The following ECT2 variants were observed in gnomAD, a reference collection of about 807,000 sequenced individuals.
The protein encoded by ECT2 is protein ECT2.
In ECT2, 61 loss-of-function variants were observed where a neutral mutation model predicts 116.9. The ratio of observed to expected loss-of-function variants is 0.52; its 90% CI spans 0.42 to 0.65. The LOEUF (loss-of-function observed/expected upper bound fraction) is 0.65, where lower values mean the gene tolerates loss of function less well. ECT2 is among the 30% of genes least tolerant of loss of function. The pLI, the probability that ECT2 is intolerant of heterozygous loss-of-function variation, is 0.00. For synonymous variants in ECT2, 358 were observed against 346.4 expected (o/e 1.03, Z -0.37); for missense variants, 937 against 1,078.7 (o/e 0.87, Z 1.84).
intron 11 of ECT2, among the ~76,000 whole-genome samples, chr3:172,763,540 A>G (rs895772995): frequency 2.6e-5 from 4 of 152,230 alleles, no homozygotes; most frequent in African/African-American, 9.6e-5. Flanking sequence ...AGTTTTTAAT[A>G]CATTAATGAG....
chr3:172,802,000 G>A (rs901512557), intron 18 of ECT2, among the ~76,000 whole-genome samples: 19 of 152,110 alleles, frequency 1.2e-4, no homozygotes, highest in Admixed American at 1.2e-3. Flanking sequence ...ATTTTGTACA[G>A]GTTTAGTGTA....
rs1720102768 is a variant in ECT2, at chr3:172,769,055, C to T, written c.1340C>T (p.Pro447Leu). ...TCTTCTAAAAGCTCCACTCCAGTTC[C>T]TTCAAAGCAGTCAGCAAGGTGGCAA... ...TKSSKSSTPV[P>L]SKQSARWQVA... Residue 447 changes from proline to leucine, a missense_variant, in exon 13 of 25, where the codon CCT (proline) becomes CTT (leucine). Physicochemically the swap from Pro to Leu is moderately conservative, Grantham distance 98. Coordinates refer to ENST00000392692, the MANE Select transcript of ECT2 (RefSeq NM_001258315.2). 1.1e-5 allele frequency: 17 copies of T among 1,613,416 alleles called. No homozygotes were observed. The highest frequency in any genetic ancestry group is 1.4e-5 in the Non-Finnish European group (16 of 1,179,640).
At chr3:172,763,286 T>C (rs1398097787) in intron 11 of ECT2, among the ~76,000 whole-genome samples, 2 of 152,242 alleles carry the variant, frequency 1.3e-5, no homozygotes, top group African/African-American at 4.8e-5. Context: ...GAATGATGTG[T>C]GCCACAACTG....
At chr3:172,824,414 C>G (rs1730792210), downstream of ECT2, among the ~76,000 whole-genome samples, 1 of 152,060 alleles carries the variant, frequency 6.6e-6, no homozygotes, top group Admixed American at 6.5e-5. Context: ...GTGCTACACA[C>G]TTGTAAACAA....
chr3:172,807,481 C>T (rs1306143945), intron 21 of ECT2, among the ~76,000 whole-genome samples: 1 of 152,106 alleles, frequency 6.6e-6, no homozygotes, highest in African/African-American at 2.4e-5. Flanking sequence ...TTTTGTAACA[C>T]TTAATATTTT....
At chr3:172,822,236 G>A (rs1267056430), downstream of ECT2, among the ~76,000 whole-genome samples, 1 of 151,932 alleles carries the variant, frequency 6.6e-6, no homozygotes, top group Non-Finnish European at 1.5e-5. Context: ...CCAAAAGGTT[G>A]TTTACAGAAT....
At chr3:172,828,957 C>T in the ECT2 span, 3 of 1,392,478 alleles carry the variant, frequency 2.2e-6, no homozygotes, top group Middle Eastern at 4.6e-4. Context: ...GTGGCTGCCT[C>T]AGCACCAATA....
chr3:172,769,169 G>A (rs1377579519), intron 13 of ECT2, 26 bp downstream of exon 13: 4 of 1,583,432 alleles, frequency 2.5e-6, no homozygotes, highest in Non-Finnish European at 3.4e-6. Context: ...ATTGAAAAAT[G>A]ATTTCTGTTC....
intron 14 of ECT2, among the ~76,000 whole-genome samples, chr3:172,779,536 A>G (rs943066157): frequency 9.8e-5 from 15 of 152,326 alleles, no homozygotes; most frequent in African/African-American, 3.1e-4. Context: ...ATTTTAAAAT[A>G]TTATTTAACA....
intron 21 of ECT2, among the ~76,000 whole-genome samples, chr3:172,806,629 ATTCT>A (rs1410352267): frequency 1.2e-4 from 11 of 95,528 alleles, no homozygotes; most frequent in East Asian, 5.9e-4. Flanking sequence ...ATAAGAAATG[ATTCT>A]TTCTTTGTTT....
In ECT2 at chr3:172,754,659, AG is replaced by A; in HGVS notation, c.130+1del. 6.3e-7 allele frequency: 1 copy of A among 1,597,742 alleles called. No individual in the cohort carries two copies. The highest frequency in any genetic ancestry group is 8.5e-7 in the Non-Finnish European group (1 of 1,171,098). On this transcript the variant is annotated frameshift_variant and splice_region_variant, in exon 2 of 25. Transcript: ENST00000392692. LOFTEE classifies it high-confidence loss of function. ...TTATTGGATCTACTTCATATGTAGAAGGTAAACCTGTTACCTGCTTTAAAAC... is the reference window on the plus strand; with the variant it reads ...TTATTGGATCTACTTCATATGTAGAAGTAAACCTGTTACCTGCTTTAAAAC... The part of the protein sequence containing the change: ...LLIGSTSYVE[E>X]EMPQIETRVI...
chr3:172,776,713 A>T (rs943973704), intron 14 of ECT2, among the ~76,000 whole-genome samples: 1 of 152,118 alleles, frequency 6.6e-6, no homozygotes, highest in African/African-American at 2.4e-5. Flanking sequence ...TCATGCTGAG[A>T]TACATTCTTT....
At chr3:172,792,588 T>C (rs190190841) in intron 18 of ECT2, among the ~76,000 whole-genome samples, 13 of 152,360 alleles carry the variant, frequency 8.5e-5, no homozygotes, top group Admixed American at 2.6e-4. Flanking sequence ...ATTTTGGTTG[T>C]TTCCAGTTCT....
At chr3:172,817,061 G>A (rs967567720) in intron 24 of ECT2, among the ~76,000 whole-genome samples, 15 of 152,046 alleles carry the variant, frequency 9.9e-5, no homozygotes, top group Non-Finnish European at 2.2e-4. Flanking sequence ...AATGTGGGGT[G>A]CACCTTATAC....
chr3:172,755,852 A>G (rs1045007623), intron 4 of ECT2, among the ~76,000 whole-genome samples: 3 of 152,218 alleles, frequency 2.0e-5, no homozygotes, highest in African/African-American at 7.2e-5. Context: ...TCTGGAATCC[A>G]GCTGTTTTAG....
intron 22 of ECT2, among the ~76,000 whole-genome samples, chr3:172,808,604 T>C (rs1199591993): frequency 6.6e-6 from 1 of 152,180 alleles, no homozygotes; most frequent in Non-Finnish European, 1.5e-5. Context: ...ATAATTTGAT[T>C]TCTTCCTCTC....
At chr3:172,781,141 C>T (rs1449617784) in intron 14 of ECT2, among the ~76,000 whole-genome samples, 1 of 152,036 alleles carries the variant, frequency 6.6e-6, no homozygotes, top group African/African-American at 2.4e-5. Context: ...TATATTAATT[C>T]ACTTAAAATA....
Position 172,766,394 on chromosome 3 carries a change from C to T in ECT2, c.1291+1894C>T, listed in dbSNP as rs1025685111. Among the ~76,000 whole-genome samples, 12 of 152,296 alleles carry T rather than the reference C, an allele frequency of 7.9e-5. No individual in the cohort carries two copies. In the East Asian group the frequency reaches 2.3e-3, roughly 29 times the overall value. On this transcript the variant is annotated intron_variant, in intron 12 of 24. Coordinates refer to ENST00000392692, the MANE Select transcript of ECT2 (RefSeq NM_001258315.2). ...TGTCATCAACAAGGAATTTTAGAAA[C>T]TCCTTGAGCAGCAGAGAAATTGATT...
intron 22 of ECT2, among the ~76,000 whole-genome samples, chr3:172,809,071 AG>A (rs1289371324): frequency 1.3e-5 from 2 of 152,122 alleles, no homozygotes; most frequent in Non-Finnish European, 2.9e-5. Context: ...GCTCATTGTA[AG>A]GTTTTTTTTT....
Sources: gnomAD v4.1 joint callset for allele counts (sites outside exome capture counted in the v4.1 genomes callset) on GRCh38, gnomAD v4.1.1 for gene constraint, MANE v1.5 for transcripts, NCBI Gene and HGNC (gene_info 2026-07-23, HGNC 2026-07-21) for gene names.